Variants in NCBP3 observed in about 807,000 individuals in gnomAD.
NCBP3 encodes the protein nuclear cap-binding protein subunit 3.
Under a neutral mutation model 75.7 loss-of-function variants are expected in NCBP3, and 20 were observed. That is an observed-to-expected ratio of 0.26 (90% confidence interval 0.19 to 0.38). NCBP3 has a LOEUF of 0.38. NCBP3 is among the 10% of genes least tolerant of loss of function. The pLI is 1.00. For missense variants in NCBP3, 678 were observed against 796.9 expected (o/e 0.85, Z 1.80); for synonymous variants, 293 against 290.5 (o/e 1.01, Z -0.09).
intron 3 of NCBP3, among the ~76,000 whole-genome samples, chr17:3,836,421 G>A (rs2053972092): frequency 6.6e-6 from 1 of 152,158 alleles, no homozygotes; most frequent in Non-Finnish European, 1.5e-5. Context: ...TTGGGAGGCT[G>A]AGGCGGGTGG....
chr17:3,818,689 G>T lies in NCBP3; in HGVS notation c.1001-117C>A. On this transcript the variant is annotated intron_variant, in intron 9 of 12. Transcript: ENST00000389005. The surrounding 1 kb of genome is among the most constrained non-coding windows in gnomAD (Gnocchi z 4.7). ...GGGTTCCCATCCCTGACATTTTATTGGAGCACTATCTATAATAGTGCCAAA... is the reference window on the plus strand; with the variant it reads ...GGGTTCCCATCCCTGACATTTTATTTGAGCACTATCTATAATAGTGCCAAA... 8.7e-7 allele frequency: 1 copy of T among 1,147,868 alleles called. No individual in the cohort carries two copies. The highest frequency in any genetic ancestry group is 1.2e-6 in the Non-Finnish European group (1 of 813,042). The allele number at this position is 1,147,868 out of a possible 1,614,324, so 71.1% of individuals were successfully genotyped here. A position where few individuals can be genotyped will look rare whatever the true frequency, so the allele number is the denominator to read the frequency against.
chr17:3,807,793 T>C lies in NCBP3; in HGVS notation c.*5251A>G, dbSNP rs1259877812. On this transcript the variant is annotated 3_prime_UTR_variant, in exon 13 of 13. Transcript: ENST00000389005. ...CATCCCATCTTTACAGAAGACCTGC[T>C]AGATGCCAGGCATGCTGGCAGGCAC... 1 of 152,074 alleles carries C rather than the reference T, an allele frequency of 6.6e-6. No homozygotes were observed. The highest frequency in any genetic ancestry group is 1.5e-5 in the Non-Finnish European group (1 of 68,034). The allele number at this position is 152,074 out of a possible 1,614,324, so 9.4% of individuals were successfully genotyped here.
chr17:3,831,267 TA>T (rs1010285884), intron 3 of NCBP3, among the ~76,000 whole-genome samples: 4 of 151,836 alleles, frequency 2.6e-5, no homozygotes, highest in Non-Finnish European at 4.4e-5. Flanking sequence ...GCAAAATTTG[TA>T]AATATATCAA....
Position 3,812,389 on chromosome 17 carries a change from T to C in NCBP3, c.*655A>G. The C allele has an allele frequency of 2.0e-6, 1 of 494,012 alleles. No homozygotes were observed. The highest frequency in any genetic ancestry group is 8.7e-5 in the South Asian group (1 of 11,510). 30.6% of individuals were successfully genotyped at this position (494,012 alleles called of 1,614,324 possible). A position where few individuals can be genotyped will look rare whatever the true frequency, so the allele number is the denominator to read the frequency against. On this transcript the variant is annotated 3_prime_UTR_variant, in exon 13 of 13. Transcript: ENST00000389005. ...TTTGTTCCTAAAAATCCCACAGCAC[T>C]GAACTTGATCTTCACATCAAGCTGA...
At chr17:3,834,542 G>A (rs533388551) in intron 3 of NCBP3, among the ~76,000 whole-genome samples, 86 of 152,286 alleles carry the variant, frequency 5.6e-4, no homozygotes, top group South Asian at 1.2e-3. Context: ...TTGGAAGGCC[G>A]AGGCGGGCAG....
At chr17:3,816,304 C>A in intron 10 of NCBP3, 34 bp from the exon 11 acceptor site, 1 of 1,582,130 alleles carries the variant, frequency 6.3e-7, no homozygotes. Context: ...GCACAGTTAA[C>A]CAACTTCAAC....
rs528399710 is a variant in NCBP3, at chr17:3,837,575, A to G, written c.355+2525T>C. 1.9e-3 allele frequency among the ~76,000 whole-genome samples: 284 copies of G among 151,516 alleles called. 1 individual carries two copies. Among genetic ancestry groups the G allele is most frequent in the African/African-American group, 6.4e-3 (265 of 41,270 alleles). On this transcript the variant is annotated intron_variant, in intron 3 of 12. Coordinates refer to ENST00000389005, the MANE Select transcript of NCBP3 (RefSeq NM_001114118.3). ...CTTGAAACCCTGTCTCTACTAAAAA[A>G]TACAAAAAATTAGCTGGGTGTGGTG... is the stretch of plus-strand genomic sequence containing the variant.
intron 1 of NCBP3, among the ~76,000 whole-genome samples, chr17:3,845,642 C>A (rs921511116): frequency 4.6e-5 from 7 of 152,194 alleles, no homozygotes; most frequent in Admixed American, 3.3e-4. Context: ...CACAAGGAGA[C>A]CTGGTTGCTG....
At chr17:3,824,439 C>T (rs188062403) in intron 7 of NCBP3, 3 of 148,828 alleles carry the variant, frequency 2.0e-5, no homozygotes, top group South Asian at 2.1e-4. Context: ...TACATACATA[C>T]ACATGCATAC....
Position 3,813,200 on chromosome 17 carries a change from G to A in NCBP3, c.1707C>T (p.Gly569=), listed in dbSNP as rs139739924. 5.6e-6 allele frequency: 9 copies of A among 1,614,218 alleles called. No individual in the cohort carries two copies. Among genetic ancestry groups the A allele is most frequent in the African/African-American group, 2.7e-5 (2 of 75,046 alleles). Reference sequence around the variant, plus strand: ...GCAGCTCAGAGTCGTCTTCCTCAGCGCCAGGCGCCCTGTGATCCACTTTCT... The same window carrying A: ...GCAGCTCAGAGTCGTCTTCCTCAGCACCAGGCGCCCTGTGATCCACTTTCT... The part of the protein sequence containing the change: ...NTKKVDHRAP[G]AEEDDSELQR... Residue 569 remains glycine, a synonymous_variant, in exon 13 of 13, where the codon GGC becomes GGT. Coordinates refer to ENST00000389005, the MANE Select transcript of NCBP3 (RefSeq NM_001114118.3).
Position 3,810,838 on chromosome 17 carries a change from T to TGTA in NCBP3, c.*2203_*2205dup, listed in dbSNP as rs2044129542. 6.6e-6 allele frequency: 1 copy of TGTA among 152,278 alleles called. No homozygotes were observed. The allele number at this position is 152,278 out of a possible 1,614,324, so 9.4% of individuals were successfully genotyped here. The stretch of plus-strand genomic sequence containing the variant: ...TCCTTCCAGAATGGCTTCGCTGATC[T>TGTA]GTAGCAGGAGACTGCTGAGTGCTGA... On this transcript the variant is annotated 3_prime_UTR_variant, in exon 13 of 13. Transcript: ENST00000389005.
chr17:3,812,872 C>T lies in NCBP3; in HGVS notation c.*172G>A. 1 of 1,434,214 alleles carries T rather than the reference C, an allele frequency of 7.0e-7. No individual in the cohort carries two copies. The highest frequency in any genetic ancestry group is 2.5e-5 in the East Asian group (1 of 39,598). 88.8% of individuals were successfully genotyped at this position (1,434,214 alleles called of 1,614,324 possible). A position where few individuals can be genotyped will look rare whatever the true frequency, so the allele number is the denominator to read the frequency against. On this transcript the variant is annotated 3_prime_UTR_variant, in exon 13 of 13. Transcript: ENST00000389005. ...CTCTGCAGCGAAAGATAGAGATGCC[C>T]TTGAAAATGTGTCACATTCTTAAGA...
rs534973527 is a variant in NCBP3, at chr17:3,812,643, T to C, written c.*401A>G. ...GAATTGACTTTTCTTGGGAAAAGGG[T>C]GCTGGTAACAGCTGTCAGGGCCAAG... On this transcript the variant is annotated 3_prime_UTR_variant, in exon 13 of 13. Coordinates refer to ENST00000389005, the MANE Select transcript of NCBP3 (RefSeq NM_001114118.3). The C allele has an allele frequency of 9.8e-7, 1 of 1,019,928 alleles. No homozygotes were observed. Among genetic ancestry groups the C allele is most frequent in the African/African-American group, 1.7e-5 (1 of 57,806 alleles). 63.2% of individuals were successfully genotyped at this position (1,019,928 alleles called of 1,614,324 possible).
chr17:3,816,878 A>G (rs2053543278), intron 10 of NCBP3, among the ~76,000 whole-genome samples: 1 of 152,074 alleles, frequency 6.6e-6, no homozygotes, highest in African/African-American at 2.4e-5. Flanking sequence ...CTAAAAATAC[A>G]AAAAATTAGC....
rs771349190 is a variant in NCBP3 at position 3,821,258 on chromosome 17, G to A, written c.991C>T (p.Arg331Ter). The A allele has an allele frequency of 1.9e-6, 3 of 1,612,838 alleles. No individual in the cohort carries two copies. Among genetic ancestry groups the A allele is most frequent in the Non-Finnish European group, 2.5e-6 (3 of 1,178,910 alleles). ...DDVGLTSYKH[R>*]HSGLVNVPEE... Reference sequence around the variant, plus strand: ...CTGAGCAGGCAACTACCAGAATGTCGATGTTTATACGACGTCAAGCCAACG... The same window carrying A: ...CTGAGCAGGCAACTACCAGAATGTCAATGTTTATACGACGTCAAGCCAACG... Residue 331 changes from arginine (R) to a stop codon, truncating the protein, a stop_gained, in exon 9 of 13, where the codon CGA (arginine) becomes TGA (stop). Transcript: ENST00000389005. LOFTEE classifies it high-confidence loss of function.
In NCBP3 at chr17:3,846,089, GCCCTCCTCCACCTC is replaced by G; in HGVS notation, c.121_134del (p.Glu41ArgfsTer23). 6.5e-7 allele frequency: 1 copy of G among 1,548,844 alleles called. No individual in the cohort carries two copies. The highest frequency in any genetic ancestry group is 8.7e-7 in the Non-Finnish European group (1 of 1,145,856). On this transcript the variant is annotated frameshift_variant, in exon 1 of 13. Coordinates refer to ENST00000389005, the MANE Select transcript of NCBP3 (RefSeq NM_001114118.3). LOFTEE classifies it high-confidence loss of function. This position sits in a 1 kb window ranked among gnomAD's most constrained non-coding sequence, Gnocchi z 4.6. ...GCCGCACAGGCACGATTTCCAGCTC[GCCCTCCTCCACCTC>G]CATGGGCTCCGGCTCGCCACGGTCA...
chr17:3,832,589 C>T (rs550103938), intron 3 of NCBP3, among the ~76,000 whole-genome samples: 5 of 147,810 alleles, frequency 3.4e-5, no homozygotes, highest in South Asian at 2.2e-4. Context: ...CGAGATCGCA[C>T]GACTGCACTC....
rs1328313953 is a variant in NCBP3 at position 3,802,861 on chromosome 17, G to A, written c.*10183C>T. The A allele has an allele frequency of 2.0e-5, 3 of 152,528 alleles. No individual in the cohort carries two copies. Among genetic ancestry groups the A allele is most frequent in the African/African-American group, 7.2e-5 (3 of 41,482 alleles). 9.4% of individuals were successfully genotyped at this position (152,528 alleles called of 1,614,324 possible). On this transcript the variant is annotated 3_prime_UTR_variant, in exon 13 of 13. Transcript: ENST00000389005. ...TGTGAACGTCAGGGTGCCTCGGGAAGCCAGGGAAAGCTGATGACTGGGTGC... is the reference window on the plus strand; with the variant it reads ...TGTGAACGTCAGGGTGCCTCGGGAAACCAGGGAAAGCTGATGACTGGGTGC...
In NCBP3 at chr17:3,822,042, C is replaced by A. The variant is rs1196893700; in HGVS notation, c.807G>T (p.Lys269Asn). 1 of 1,605,212 alleles carries A rather than the reference C, an allele frequency of 6.2e-7. No homozygotes were observed. Reference protein sequence around the residue: ...FMRFATKDDKKELGAARRSQY... With the variant: ...FMRFATKDDKNELGAARRSQY... ...GACTTCTTCTGGCTGCTCCAAGTTC[C>A]TTTTTGTCATCTAAAAATTAATGAC... Residue 269 changes from lysine (K) to asparagine (N), a missense_variant, in exon 8 of 13, where the codon AAG (lysine) becomes AAT (asparagine). Lys to Asn is a moderately conservative substitution (Grantham distance 94). This residue lies in a region of NCBP3 where 38 missense variants were observed against 78.9 expected (regional missense o/e 0.48). Coordinates refer to ENST00000389005, the MANE Select transcript of NCBP3 (RefSeq NM_001114118.3).
Sources: gnomAD v4.1 joint callset for allele counts (sites outside exome capture counted in the v4.1 genomes callset) on GRCh38, gnomAD v4.1.1 for gene constraint, gnomAD v4.1.1 regional missense constraint, Gnocchi (gnomAD v3.1) non-coding constraint, MANE v1.5 for transcripts, NCBI Gene and HGNC (gene_info 2026-07-23, HGNC 2026-07-21) for gene names.